The following LRRC8D variants were observed in gnomAD, a reference collection of about 807,000 sequenced individuals.
LRRC8D encodes the protein volume-regulated anion channel subunit LRRC8D.
LRRC8D carries 20 observed loss-of-function variants against 55.8 expected under a neutral mutation model. That is an observed-to-expected ratio of 0.36 (90% confidence interval 0.25 to 0.52). LRRC8D has a LOEUF of 0.52. LRRC8D is among the 20% of genes least tolerant of loss of function. LRRC8D has a pLI of 0.93. For synonymous variants in LRRC8D, 352 were observed against 377.0 expected, an observed-to-expected ratio of 0.93 and a Z score of 0.77; for missense variants, 651 against 1,030.8, an observed-to-expected ratio of 0.63 and a Z score of 5.05.
chr1:89,880,667 A>G (rs1198551827), intron 2 of LRRC8D, among the ~76,000 whole-genome samples: 5 of 152,096 alleles, frequency 3.3e-5, no homozygotes, highest in Non-Finnish European at 7.4e-5. Context: ...CTCTTGCCCA[A>G]CCAGCTAGAT....
chr1:89,888,422 AG>A (rs1366293953), intron 2 of LRRC8D, among the ~76,000 whole-genome samples: 17 of 152,348 alleles, frequency 1.1e-4, no homozygotes, highest in Middle Eastern at 6.8e-3. Flanking sequence ...TTTGAATTGG[AG>A]ATACCGATAT....
In LRRC8D at chr1:89,933,266, A is replaced by C; in HGVS notation, c.198A>C (p.Ala66=). The C allele has an allele frequency of 1.2e-6, 2 of 1,614,186 alleles. No individual in the cohort carries two copies. The highest frequency in any genetic ancestry group is 1.7e-6 in the Non-Finnish European group (2 of 1,180,038). The part of the protein sequence containing the change: ...PVLPSPVNSK[A]HTPPGNAEVT... The stretch of plus-strand genomic sequence containing the variant: ...TGCCATCTCCTGTAAATTCAAAGGC[A>C]CATACACCACCAGGAAATGCCGAGG... Residue 66 remains alanine (A), a synonymous_variant, in exon 3 of 3, where the codon GCA becomes GCC. Coordinates refer to ENST00000337338, the MANE Select transcript of LRRC8D (RefSeq NM_001134479.2). The surrounding 1 kb of genome is among the most constrained non-coding windows in gnomAD (Gnocchi z 7.0).
intron 2 of LRRC8D, among the ~76,000 whole-genome samples, chr1:89,896,822 A>T (rs768109122): frequency 2.6e-5 from 4 of 152,216 alleles, no homozygotes; most frequent in Non-Finnish European, 5.9e-5. Flanking sequence ...TAAACAAGCT[A>T]AATCTATATA....
At chr1:89,895,233 C>T (rs1291037671) in intron 2 of LRRC8D, among the ~76,000 whole-genome samples, 1 of 152,170 alleles carries the variant, frequency 6.6e-6, no homozygotes, top group Non-Finnish European at 1.5e-5. Flanking sequence ...CTACTATATT[C>T]ATATAATATA....
At chr1:89,868,230 TG>T (rs1661901489) in intron 2 of LRRC8D, among the ~76,000 whole-genome samples, 1 of 152,216 alleles carries the variant, frequency 6.6e-6, no homozygotes, top group South Asian at 2.1e-4. Context: ...ATATTTATTC[TG>T]GGTTTTGAAG....
At chr1:89,837,074 C>A (rs1029689300) in intron 1 of LRRC8D, among the ~76,000 whole-genome samples, 2 of 152,154 alleles carry the variant, frequency 1.3e-5, no homozygotes, top group Non-Finnish European at 2.9e-5. Flanking sequence ...ACTGTATCAA[C>A]TGCTTTACCA....
Position 89,933,734 on chromosome 1 carries a change from G to A in LRRC8D, c.666G>A (p.Glu222=). The change falls in exon 3 of 3, where the codon GAG becomes GAA. Residue 222 remains glutamate, a synonymous_variant. Transcript: ENST00000337338. This position sits in a 1 kb window ranked among gnomAD's most constrained non-coding sequence, Gnocchi z 7.0. ...CTGAGACAGCATGCGAAGACTCAGA[G>A]GAAAACAAGCAGAGAATAACAGGTG... ...ALSETACEDS[E]ENKQRITGAQ... The A allele has an allele frequency of 6.2e-7, 1 of 1,614,110 alleles. No individual in the cohort carries two copies. The highest frequency in any genetic ancestry group is 8.5e-7 in the Non-Finnish European group (1 of 1,180,018).
At chr1:89,832,072 G>A (rs956201372) in intron 1 of LRRC8D, among the ~76,000 whole-genome samples, 1 of 152,184 alleles carries the variant, frequency 6.6e-6, no homozygotes, top group Non-Finnish European at 1.5e-5. Context: ...TGTCTACTGG[G>A]TTTTAGCCCC....
Position 89,933,237 on chromosome 1 carries a change from G to A in LRRC8D, c.169G>A (p.Val57Ile). 6.2e-7 allele frequency: 1 copy of A among 1,614,206 alleles called. No individual in the cohort carries two copies. The change falls in exon 3 of 3, where the codon GTA becomes ATA. Residue 57 changes from valine (V) to isoleucine (I), a missense_variant. Val to Ile is a conservative substitution (Grantham distance 29). Around this residue, in one of 5 missense-constraint regions of LRRC8D, gnomAD observed 118 missense variants for 138.0 expected, o/e 0.85. Coordinates refer to ENST00000337338, the MANE Select transcript of LRRC8D (RefSeq NM_001134479.2). This position sits in a 1 kb window ranked among gnomAD's most constrained non-coding sequence, Gnocchi z 7.0. ...CAAAGATCAGGTGGTCTGTTTGCCA[G>A]TATTGCCATCTCCTGTAAATTCAAA... is the stretch of plus-strand genomic sequence containing the variant. ...LTKDQVVCLP[V>I]LPSPVNSKAH... is the part of the protein sequence containing the mutation.
chr1:89,874,240 A>G (rs1341610435), intron 2 of LRRC8D, among the ~76,000 whole-genome samples: 4 of 152,210 alleles, frequency 2.6e-5, no homozygotes, highest in South Asian at 2.1e-4. Flanking sequence ...TATCAAGCTC[A>G]TAATTGTAGA....
chr1:89,931,842 G>A (rs1267835463), intron 2 of LRRC8D, among the ~76,000 whole-genome samples: 1 of 151,808 alleles, frequency 6.6e-6, no homozygotes, highest in African/African-American at 2.4e-5. Flanking sequence ...AAAACTCTTG[G>A]GTACTTGCCT....
At chr1:89,852,877 A>G (rs758270772) in intron 2 of LRRC8D, among the ~76,000 whole-genome samples, 8 of 152,222 alleles carry the variant, frequency 5.3e-5, no homozygotes, top group Non-Finnish European at 7.3e-5. Context: ...AGGGGAGAAG[A>G]GGCTGGAGGT....
chr1:89,873,180 G>T lies in LRRC8D; in HGVS notation c.-3+29398G>T, dbSNP rs538569855. On this transcript the variant is annotated intron_variant, in intron 2 of 2. Coordinates refer to ENST00000337338, the MANE Select transcript of LRRC8D (RefSeq NM_001134479.2). ...GAACATCAAGATACTAATTCAACCT[G>T]TCCTCTTTGAAAAATTTGACCCCCT... Among the ~76,000 whole-genome samples, 6 of 152,176 alleles carry T rather than the reference G, an allele frequency of 3.9e-5. No homozygotes were observed. The South Asian group carries it at 1.2e-3, about 32-fold the overall frequency.
chr1:89,861,108 G>A (rs557011695), intron 2 of LRRC8D, among the ~76,000 whole-genome samples: 1 of 152,094 alleles, frequency 6.6e-6, no homozygotes, highest in Non-Finnish European at 1.5e-5. Flanking sequence ...GGCCAAGGGA[G>A]TAGAGAGATT....
At chr1:89,883,023 A>G (rs568633752) in intron 2 of LRRC8D, among the ~76,000 whole-genome samples, 1 of 152,260 alleles carries the variant, frequency 6.6e-6, no homozygotes, top group South Asian at 2.1e-4. Context: ...AGCAGGTAGT[A>G]GAGTTTTTAA....
chr1:89,854,011 A>G (rs1186430288), intron 2 of LRRC8D, among the ~76,000 whole-genome samples: 1 of 152,142 alleles, frequency 6.6e-6, no homozygotes, highest in East Asian at 1.9e-4. Flanking sequence ...TCATTAATGG[A>G]GTAAAGTTCC....
chr1:89,864,231 A>G (rs995131938), intron 2 of LRRC8D, among the ~76,000 whole-genome samples: 3 of 152,202 alleles, frequency 2.0e-5, no homozygotes, highest in Non-Finnish European at 2.9e-5. Flanking sequence ...GTGAGTGATT[A>G]TGCAAGTCAG....
intron 2 of LRRC8D, among the ~76,000 whole-genome samples, chr1:89,897,609 C>G (rs542132072): frequency 2.6e-5 from 4 of 152,184 alleles, no homozygotes; most frequent in African/African-American, 4.8e-5. Flanking sequence ...GAGGACACGT[C>G]AAACTGTAAA....
At chr1:89,918,285 T>A (rs1663323732) in intron 2 of LRRC8D, among the ~76,000 whole-genome samples, 1 of 152,210 alleles carries the variant, frequency 6.6e-6, no homozygotes, top group Admixed American at 6.5e-5. Flanking sequence ...ACACAATGAA[T>A]AATAACCAGC....
Sources: allele counts gnomAD v4.1 joint callset (sites outside exome capture counted in the v4.1 genomes callset), GRCh38; gene constraint gnomAD v4.1.1; regional missense constraint gnomAD v4.1.1; non-coding constraint Gnocchi (gnomAD v3.1); transcripts MANE v1.5; gene names NCBI Gene and HGNC (gene_info 2026-07-23, HGNC 2026-07-21).